The following SLC24A2 variants were observed in gnomAD, a reference collection of about 807,000 sequenced individuals.
SLC24A2 encodes the protein sodium/potassium/calcium exchanger 2.
SLC24A2 carries 36 observed loss-of-function variants against 62.0 expected under a neutral mutation model. The observed-to-expected ratio is 0.58, with a 90% CI of 0.44 to 0.77. The LOEUF (loss-of-function observed/expected upper bound fraction) is 0.77, where lower values mean the gene tolerates loss of function less well. Ranked by LOEUF, SLC24A2 falls within the 30% of genes least tolerant of loss-of-function variation. SLC24A2 has a pLI of 0.00. For missense variants in SLC24A2, 846 were observed against 817.9 expected, an observed-to-expected ratio of 1.03 and a Z score of -0.42; for synonymous variants, 358 against 294.0, an observed-to-expected ratio of 1.22 and a Z score of -2.23.
At chr9:19,670,918 A>T (rs1029787365) in intron 2 of SLC24A2, among the ~76,000 whole-genome samples, 18 of 152,090 alleles carry the variant, frequency 1.2e-4, no homozygotes, top group African/African-American at 4.3e-4. Context: ...CAGTGCCAAG[A>T]CCTCAAACTA....
At chr9:19,553,598 A>G (rs1834945418) in intron 7 of SLC24A2, among the ~76,000 whole-genome samples, 1 of 152,214 alleles carries the variant, frequency 6.6e-6, no homozygotes, top group Admixed American at 6.5e-5. Context: ...TGGTTGTCAG[A>G]ACTTAAAAGA....
chr9:20,035,955 G>A, the SLC24A2 span, among the ~76,000 whole-genome samples: 1 of 152,150 alleles, frequency 6.6e-6, no homozygotes, highest in Non-Finnish European at 1.5e-5. Context: ...TCGGATAGGA[G>A]TCCTAAGGAA....
At chr9:20,039,142 G>T in the SLC24A2 span, among the ~76,000 whole-genome samples, 1 of 152,214 alleles carries the variant, frequency 6.6e-6, no homozygotes. Flanking sequence ...TGGTGTGGTG[G>T]AAAGACGCTG....
At chr9:20,092,146 C>A in the SLC24A2 span, among the ~76,000 whole-genome samples, 19,370 of 152,176 alleles carry the variant, frequency 0.13, 1,741 homozygotes, top group Admixed American at 0.31. Context: ...ATTGGTTACT[C>A]GGCTTAGTAC....
the SLC24A2 span, among the ~76,000 whole-genome samples, chr9:19,961,998 A>C: frequency 6.6e-6 from 1 of 152,208 alleles, no homozygotes; most frequent in Non-Finnish European, 1.5e-5. Context: ...ATGTTGTTTT[A>C]AGCTGCTATG....
At chr9:20,177,609 AGT>A in the SLC24A2 span, among the ~76,000 whole-genome samples, 1 of 152,128 alleles carries the variant, frequency 6.6e-6, no homozygotes, top group South Asian at 2.1e-4. Context: ...GGGGAACCAA[AGT>A]GTATCCTGGA....
chr9:19,526,612 C>T (rs983035114), intron 9 of SLC24A2, among the ~76,000 whole-genome samples: 2 of 152,092 alleles, frequency 1.3e-5, no homozygotes, highest in Non-Finnish European at 2.9e-5. Flanking sequence ...TGATGTTGAG[C>T]ATATTTTCTT....
the SLC24A2 span, among the ~76,000 whole-genome samples, chr9:20,175,740 AGT>A: frequency 6.6e-6 from 1 of 152,222 alleles, no homozygotes; most frequent in East Asian, 1.9e-4. Flanking sequence ...TAGAATTTAC[AGT>A]GTGTTATTAC....
the SLC24A2 span, among the ~76,000 whole-genome samples, chr9:20,179,478 G>A: frequency 6.6e-6 from 1 of 152,172 alleles, no homozygotes; most frequent in Non-Finnish European, 1.5e-5. Flanking sequence ...GCTGGTCCAT[G>A]CCCAAGGGCC....
At chr9:20,178,635 T>C in the SLC24A2 span, among the ~76,000 whole-genome samples, 1 of 152,098 alleles carries the variant, frequency 6.6e-6, no homozygotes, top group Admixed American at 6.6e-5. Flanking sequence ...AAACTGCTGA[T>C]AAGGAGGAAT....
At chr9:20,076,085 C>T in the SLC24A2 span, among the ~76,000 whole-genome samples, 1 of 152,046 alleles carries the variant, frequency 6.6e-6, no homozygotes, top group East Asian at 1.9e-4. Context: ...CGTACAGATG[C>T]AATCATTCTT....
chr9:19,566,990 A>G (rs1835677866), intron 7 of SLC24A2, among the ~76,000 whole-genome samples: 1 of 150,656 alleles, frequency 6.6e-6, no homozygotes, highest in Non-Finnish European at 1.5e-5. Flanking sequence ...GGAAAGCATT[A>G]GGAGATATAT....
the SLC24A2 span, among the ~76,000 whole-genome samples, chr9:19,934,684 C>T: frequency 6.6e-6 from 1 of 152,314 alleles, no homozygotes; most frequent in East Asian, 1.9e-4. The surrounding 1 kb of genome is among the most constrained non-coding windows in gnomAD (Gnocchi z 4.1). Flanking sequence ...GGGAAAATCG[C>T]GGCGAAGAGC....
the SLC24A2 span, among the ~76,000 whole-genome samples, chr9:19,843,756 A>G: frequency 1.3e-5 from 2 of 152,096 alleles, no homozygotes; most frequent in Non-Finnish European, 2.9e-5. Flanking sequence ...GCTCTCACTT[A>G]CAAGTGAGAG....
chr9:19,678,829 C>G (rs1284059604), intron 2 of SLC24A2, among the ~76,000 whole-genome samples: 2 of 152,084 alleles, frequency 1.3e-5, no homozygotes, highest in Non-Finnish European at 2.9e-5. Flanking sequence ...TCTCATTGTT[C>G]ACAGAATTGA....
At chr9:19,753,201 G>A (rs1714451535) in intron 2 of SLC24A2, among the ~76,000 whole-genome samples, 1 of 152,188 alleles carries the variant, frequency 6.6e-6, no homozygotes, top group African/African-American at 2.4e-5. Flanking sequence ...CAGGCAGGGA[G>A]GACAGGAGCC....
the SLC24A2 span, among the ~76,000 whole-genome samples, chr9:19,913,324 C>T: frequency 1.3e-5 from 2 of 152,214 alleles, no homozygotes; most frequent in African/African-American, 4.8e-5. Flanking sequence ...GTGCCCACAT[C>T]CCATAAAGAG....
At position 19,521,044 on chromosome 9, in the gene SLC24A2, C is replaced by A; in HGVS notation, c.1586G>T (p.Gly529Val). ...CAGGCCCATAATCTCTTCACTGATGCCAATTGTCTCTCCAACCTAAATGTC... is the reference window on the plus strand; with the variant it reads ...CAGGCCCATAATCTCTTCACTGATGACAATTGTCTCTCCAACCTAAATGTC... Reference protein sequence around the residue: ...WWAHQVGETIGISEEIMGLTI... With the variant: ...WWAHQVGETIVISEEIMGLTI... Residue 529 changes from glycine (G) to valine (V), a missense_variant, in exon 10 of 11, where the codon GGC (glycine) becomes GTC (valine). Gly to Val is a moderately radical substitution (Grantham distance 109). Coordinates refer to ENST00000341998, the MANE Select transcript of SLC24A2 (RefSeq NM_020344.4). 1 of 1,614,038 alleles carries A rather than the reference C, an allele frequency of 6.2e-7. No homozygotes were observed. The highest frequency in any genetic ancestry group is 8.5e-7 in the Non-Finnish European group (1 of 1,179,944).
At chr9:20,078,600 T>C in the SLC24A2 span, among the ~76,000 whole-genome samples, 1 of 152,196 alleles carries the variant, frequency 6.6e-6, no homozygotes, top group South Asian at 2.1e-4. Flanking sequence ...GCCATGACTG[T>C]GGAGAAGCTG....
Sources: allele counts gnomAD v4.1 joint callset (sites outside exome capture counted in the v4.1 genomes callset), GRCh38; gene constraint gnomAD v4.1.1; non-coding constraint Gnocchi (gnomAD v3.1); transcripts MANE v1.5; gene names NCBI Gene and HGNC (gene_info 2026-07-23, HGNC 2026-07-21).